The following FLNC variants were observed in gnomAD, a reference collection of about 807,000 sequenced individuals.
FLNC encodes filamin C.
A neutral mutation model predicts 254.3 loss-of-function variants in FLNC; 91 were observed. The observed-to-expected ratio is 0.36, with a 90% CI of 0.30 to 0.43. The LOEUF (loss-of-function observed/expected upper bound fraction) is 0.43. FLNC is among the 20% of genes least tolerant of loss of function. The pLI, the probability that FLNC is intolerant of heterozygous loss-of-function variation, is 1.00. For missense variants in FLNC, 2,853 were observed against 3,802.6 expected (o/e 0.75, Z 6.57); for synonymous variants, 1,430 against 1,577.2 (o/e 0.91, Z 2.21).
intron 35 of FLNC, 78 bp downstream of exon 35, chr7:128,851,706 C>T (rs1291043663): frequency 1.0e-5 from 15 of 1,486,112 alleles, no homozygotes; most frequent in Middle Eastern, 3.5e-4. Flanking sequence ...AAGCCCAGCC[C>T]GTTCAAGTCA....
At position 128,836,510 on chromosome 7, in the gene FLNC, C is replaced by T. The variant is rs1808098953; in HGVS notation, c.602-650C>T. ...TCCTCCAGCTCTGGCCTAAACCAAG[C>T]GCCCCTTCACCTGCACCGTTCATAG... On this transcript the variant is annotated intron_variant, in intron 2 of 47. Transcript: ENST00000325888. The surrounding 1 kb of genome is among the most constrained non-coding windows in gnomAD (Gnocchi z 6.0). 6.6e-6 allele frequency among the ~76,000 whole-genome samples: 1 copy of T among 152,190 alleles called. No individual in the cohort carries two copies. Among genetic ancestry groups the T allele is most frequent in the Non-Finnish European group, 1.5e-5 (1 of 68,026 alleles).
Position 128,842,799 on chromosome 7 carries a change from G to C in FLNC, c.2395G>C (p.Val799Leu). Residue 799 changes from valine (V) to leucine (L), a missense_variant, in exon 16 of 48, where the codon GTG (valine) becomes CTG (leucine). This residue lies in a region of FLNC where 1,573 missense variants were observed against 1,883.5 expected (regional missense o/e 0.84). Transcript: ENST00000325888. The surrounding 1 kb of genome is among the most constrained non-coding windows in gnomAD (Gnocchi z 5.4). ...CAGTGCCCGCTTCTCTGCAGGCGAC[G>C]TGAGCATCGGCATCAAGTGCGCCCC... Reference protein sequence around the residue: ...VDCSEAGQGDVSIGIKCAPGV... With the variant: ...VDCSEAGQGDLSIGIKCAPGV... The C allele has an allele frequency of 6.2e-7, 1 of 1,613,586 alleles. No homozygotes were observed. The highest frequency in any genetic ancestry group is 8.5e-7 in the Non-Finnish European group (1 of 1,179,980).
rs2128938499 is a variant in FLNC at position 128,851,622 on chromosome 7, A to G, written c.5836A>G (p.Ile1946Val). Residue 1946 changes from isoleucine (I) to valine (V), a missense_variant, in exon 35 of 48, where the codon ATC becomes GTC. Around this residue, in one of 10 missense-constraint regions of FLNC, gnomAD observed 551 missense variants for 835.0 expected, o/e 0.66. Coordinates refer to ENST00000325888, the MANE Select transcript of FLNC (RefSeq NM_001458.5). ...HIPGSPFTAK[I>V]TGDDSMRTSQ... The stretch of plus-strand genomic sequence containing the variant: ...CCCGGGGAGCCCCTTCACAGCCAAG[A>G]TCACAGGTGAGGCGGGTGTATGGGC... The G allele has an allele frequency of 6.2e-7, 1 of 1,613,844 alleles. No individual in the cohort carries two copies. Among genetic ancestry groups the G allele is most frequent in the Non-Finnish European group, 8.5e-7 (1 of 1,180,036 alleles).
Position 128,857,311 on chromosome 7 carries a change from C to T in FLNC, c.7755C>T (p.Gly2585=), listed in dbSNP as rs746404471. The T allele has an allele frequency of 4.5e-5, 72 of 1,613,244 alleles. No homozygotes were observed. In the Middle Eastern group the frequency reaches 5.2e-4, roughly 12 times the overall value. ...IKYGGPQHIV[G]SPFKAKVTGP... ...ACGGTGGCCCCCAGCACATCGTGGG[C>T]AGCCCCTTCAAGGCCAAGGTCACTG... Residue 2585 remains glycine, a synonymous_variant, in exon 46 of 48, where the codon GGC becomes GGT. Coordinates refer to ENST00000325888, the MANE Select transcript of FLNC (RefSeq NM_001458.5). The surrounding 1 kb of genome is among the most constrained non-coding windows in gnomAD (Gnocchi z 4.5).
Position 128,841,580 on chromosome 7 carries a change from C to G in FLNC, c.2121+13C>G. On this transcript the variant is annotated intron_variant, in intron 13 of 47. Transcript: ENST00000325888. The surrounding 1 kb of genome is among the most constrained non-coding windows in gnomAD (Gnocchi z 4.3). ...GCTCTATGCCCAGGTAGGTCATTGT[C>G]CAGTCTCTGCTGCCCTTACTACCCA... 4.4e-6 allele frequency: 7 copies of G among 1,591,534 alleles called. No individual in the cohort carries two copies. Among genetic ancestry groups the G allele is most frequent in the Non-Finnish European group, 6.0e-6 (7 of 1,159,376 alleles).
In FLNC at chr7:128,854,777, G is replaced by A. The variant is rs1808984299; in HGVS notation, c.7000G>A (p.Glu2334Lys). Residue 2334 changes from glutamate to lysine, a missense_variant and splice_region_variant, in exon 42 of 48, where the codon GAG (glutamate) becomes AAG (lysine). By Grantham distance (56) the Glu-to-Lys change is moderately conservative. Around this residue, in one of 10 missense-constraint regions of FLNC, gnomAD observed 551 missense variants for 835.0 expected, o/e 0.66. Transcript: ENST00000325888. ...LERGVAGVPA[E>K]FSIWTREAGA... The stretch of plus-strand genomic sequence containing the variant: ...TCCACTACCTTGCCTGTCCCCAGCC[G>A]AGTTCAGCATCTGGACCCGGGAGGC... 1 of 1,614,118 alleles carries A rather than the reference G, an allele frequency of 6.2e-7. No homozygotes were observed. Among genetic ancestry groups the A allele is most frequent in the Non-Finnish European group, 8.5e-7 (1 of 1,180,028 alleles).
intron 1 of FLNC, among the ~76,000 whole-genome samples, chr7:128,834,630 A>T (rs1808026060): frequency 6.6e-6 from 1 of 152,176 alleles, no homozygotes; most frequent in South Asian, 2.1e-4. Flanking sequence ...TATGTTTAAG[A>T]CCTTCATTGT....
chr7:128,858,435 C>G lies in FLNC; in HGVS notation c.8090C>G (p.Thr2697Ser). ...MGNRVYNVTY[T>S]VKEKGDYILI... ...AACCGGGTGTACAATGTCACCTACA[C>G]TGTCAAGGAGAAAGGGGACTACATC... The change falls in exon 48 of 48, where the codon ACT becomes AGT. Residue 2697 changes from threonine to serine, a missense_variant. Around this residue, in one of 10 missense-constraint regions of FLNC, gnomAD observed 197 missense variants for 351.5 expected, o/e 0.56. Transcript: ENST00000325888. The surrounding 1 kb of genome is among the most constrained non-coding windows in gnomAD (Gnocchi z 6.7). The G allele has an allele frequency of 6.2e-7, 1 of 1,612,360 alleles. No homozygotes were observed. The highest frequency in any genetic ancestry group is 8.5e-7 in the Non-Finnish European group (1 of 1,178,650).
chr7:128,856,107 G>A lies in FLNC; in HGVS notation c.7252-411G>A, dbSNP rs1239197053. 6.6e-6 allele frequency among the ~76,000 whole-genome samples: 1 copy of A among 152,128 alleles called. No homozygotes were observed. The highest frequency in any genetic ancestry group is 1.5e-5 in the Non-Finnish European group (1 of 68,032). On this transcript the variant is annotated intron_variant, in intron 43 of 47. Transcript: ENST00000325888. This position sits in a 1 kb window ranked among gnomAD's most constrained non-coding sequence, Gnocchi z 5.9. The stretch of plus-strand genomic sequence containing the variant: ...TTCTGTGCTTCTTCTGGTCCTCCCT[G>A]TTGGTCCACCTTCTCCAGGAAGCTC...
In FLNC at chr7:128,853,587, C is replaced by T. The variant is rs374308274; in HGVS notation, c.6327C>T (p.Ile2109=). 1 of 1,614,164 alleles carries T rather than the reference C, an allele frequency of 6.2e-7. No individual in the cohort carries two copies. The highest frequency in any genetic ancestry group is 8.5e-7 in the Non-Finnish European group (1 of 1,180,042). Residue 2109 remains isoleucine, a synonymous_variant, in exon 38 of 48, where the codon ATC becomes ATT. Transcript: ENST00000325888. ...GCCCCACCGAGCCCGGCACCTACATCATCAACATCAAGTTTGCTGACAAGC... is the reference window on the plus strand; with the variant it reads ...GCCCCACCGAGCCCGGCACCTACATTATCAACATCAAGTTTGCTGACAAGC... ...TYCPTEPGTY[I]INIKFADKHV...
rs770784518 is a variant in FLNC at position 128,849,536 on chromosome 7, C to T, written c.5157C>T (p.Arg1719=). 3.1e-6 allele frequency: 5 copies of T among 1,614,052 alleles called. No homozygotes were observed. Among genetic ancestry groups the T allele is most frequent in the Non-Finnish European group, 4.2e-6 (5 of 1,180,032 alleles). ...CGGGCAAGTACGTCATCACCATCCG[C>T]TTCGGGGGTGAGCACATCCCCAACA... ...PEPGKYVITI[R]FGGEHIPNSP... is the part of the protein sequence containing the mutation. Residue 1719 remains arginine (R), a synonymous_variant, in exon 30 of 48, where the codon CGC becomes CGT. Coordinates refer to ENST00000325888, the MANE Select transcript of FLNC (RefSeq NM_001458.5).
Position 128,850,501 on chromosome 7 carries a change from C to T in FLNC, c.5398+18C>T, listed in dbSNP as rs1808762634. The T allele has an allele frequency of 1.3e-6, 2 of 1,595,182 alleles. No individual in the cohort carries two copies. Among genetic ancestry groups the T allele is most frequent in the East Asian group, 4.5e-5 (2 of 44,820 alleles). On this transcript the variant is annotated intron_variant, in intron 32 of 47. Transcript: ENST00000325888. ...GCTCACAGGTACTGCCCTGTGGCTC[C>T]CAGGCATGAGGGCTGAGGGGAGAAA...
chr7:128,838,716 C>A lies in FLNC; in HGVS notation c.1324C>A (p.Pro442Thr), dbSNP rs1808207607. 1.2e-6 allele frequency: 2 copies of A among 1,613,064 alleles called. No homozygotes were observed. The highest frequency in any genetic ancestry group is 1.1e-5 in the South Asian group (1 of 91,078). The change falls in exon 8 of 48, where the codon CCT (proline) becomes ACT (threonine). Residue 442 changes from proline (P) to threonine (T), a missense_variant. Pro to Thr is a conservative substitution (Grantham distance 38). Coordinates refer to ENST00000325888, the MANE Select transcript of FLNC (RefSeq NM_001458.5). ...GDSTFRCTYR[P>T]AMEGPHTVHV... ...CAGCACGTTCCGCTGCACATACAGA[C>A]CTGCCATGGAGGGGCCACATACCGT...
In FLNC at chr7:128,856,576, G is replaced by A. The variant is rs201762568; in HGVS notation, c.7310G>A (p.Arg2437Gln). The A allele has an allele frequency of 1.8e-5, 29 of 1,612,828 alleles. No individual in the cohort carries two copies. Among genetic ancestry groups the A allele is most frequent in the Middle Eastern group, 1.6e-4 (1 of 6,062 alleles). The change falls in exon 44 of 48, where the codon CGG becomes CAG. Residue 2437 changes from arginine to glutamine, a missense_variant. By Grantham distance (43) the Arg-to-Gln change is conservative (BLOSUM62 1). Coordinates refer to ENST00000325888, the MANE Select transcript of FLNC (RefSeq NM_001458.5). This position sits in a 1 kb window ranked among gnomAD's most constrained non-coding sequence, Gnocchi z 5.9. ...ASFAVQLNGARGVIDARVHTP... is the reference protein window; with the variant it reads ...ASFAVQLNGAQGVIDARVHTP... The stretch of plus-strand genomic sequence containing the variant: ...TTTGCCGTGCAGCTGAACGGTGCCC[G>A]GGGCGTGATTGATGCCCGGGTGCAC...
At chr7:128,839,911 G>C in intron 8 of FLNC, 112 bp from the exon 9 acceptor site, 1 of 1,380,502 alleles carries the variant, frequency 7.2e-7, no homozygotes. Context: ...GAGCAGGGCC[G>C]TGGGCCACTG....
Position 128,836,035 on chromosome 7 carries a change from A to G in FLNC, c.601+461A>G, listed in dbSNP as rs1808083082. Among the ~76,000 whole-genome samples, 1 of 151,950 alleles carries G rather than the reference A, an allele frequency of 6.6e-6. No homozygotes were observed. On this transcript the variant is annotated intron_variant, in intron 2 of 47. Coordinates refer to ENST00000325888, the MANE Select transcript of FLNC (RefSeq NM_001458.5). The surrounding 1 kb of genome is among the most constrained non-coding windows in gnomAD (Gnocchi z 6.0). Reference sequence around the variant, plus strand: ...TCCAGAGAAGGCTCTTCTCTGGGAGACCCTGGGATGACTTTGAGAAGGGGT... The same window carrying G: ...TCCAGAGAAGGCTCTTCTCTGGGAGGCCCTGGGATGACTTTGAGAAGGGGT...
rs2128939355 is a variant in FLNC at position 128,854,185 on chromosome 7, A to C, written c.6696A>C (p.Gly2232=). 5 of 1,608,460 alleles carry C rather than the reference A, an allele frequency of 3.1e-6. No individual in the cohort carries two copies. Among genetic ancestry groups the C allele is most frequent in the Non-Finnish European group, 4.2e-6 (5 of 1,177,750 alleles). The part of the protein sequence containing the change: ...FGDFLGRERL[G]SFGSITRQQE... Reference sequence around the variant, plus strand: ...ACTTCCTGGGCCGGGAGCGCCTGGGATCCTTCGGCAGCATCACCCGGCAGC... The same window carrying C: ...ACTTCCTGGGCCGGGAGCGCCTGGGCTCCTTCGGCAGCATCACCCGGCAGC... Residue 2232 remains glycine, a synonymous_variant, in exon 40 of 48, where the codon GGA becomes GGC. Coordinates refer to ENST00000325888, the MANE Select transcript of FLNC (RefSeq NM_001458.5).
At position 128,846,148 on chromosome 7, in the gene FLNC, A is replaced by C. The variant is rs377555574; in HGVS notation, c.3949A>C (p.Thr1317Pro). The C allele has an allele frequency of 2.5e-6, 4 of 1,613,740 alleles. No homozygotes were observed. The change falls in exon 22 of 48, where the codon ACC (threonine) becomes CCC (proline). Residue 1317 changes from threonine to proline, a missense_variant. By Grantham distance (38) the Thr-to-Pro change is conservative. Around this residue, in one of 10 missense-constraint regions of FLNC, gnomAD observed 1,573 missense variants for 1,883.5 expected, o/e 0.84. Coordinates refer to ENST00000325888, the MANE Select transcript of FLNC (RefSeq NM_001458.5). The part of the protein sequence containing the change: ...NGDGTYRVQY[T>P]AYEEGVHLVE... ...GGACGGCACCTACCGAGTGCAGTAC[A>C]CCGCCTACGAGGAGGGTGAGGGCCG...
rs1197140316 is a variant in FLNC at position 128,858,131 on chromosome 7, C to T, written c.7904C>T (p.Ala2635Val). 6.2e-7 allele frequency: 1 copy of T among 1,612,794 alleles called. No individual in the cohort carries two copies. Among genetic ancestry groups the T allele is most frequent in the Non-Finnish European group, 8.5e-7 (1 of 1,179,136 alleles). Reference sequence around the variant, plus strand: ...TCCATCCCCAAGTTCTCCTCAGATGCCAGCAAGGTGGTGACTCGGGGCCCT... The same window carrying T: ...TCCATCCCCAAGTTCTCCTCAGATGTCAGCAAGGTGGTGACTCGGGGCCCT... ...YSSIPKFSSD[A>V]SKVVTRGPGL... is the part of the protein sequence containing the mutation. The change falls in exon 47 of 48, where the codon GCC (alanine) becomes GTC (valine). Residue 2635 changes from alanine (A) to valine (V), a missense_variant. Around this residue, in one of 10 missense-constraint regions of FLNC, gnomAD observed 197 missense variants for 351.5 expected, o/e 0.56. Coordinates refer to ENST00000325888, the MANE Select transcript of FLNC (RefSeq NM_001458.5). The surrounding 1 kb of genome is among the most constrained non-coding windows in gnomAD (Gnocchi z 6.7).
Sources: gnomAD v4.1 joint callset for allele counts (sites outside exome capture counted in the v4.1 genomes callset) on GRCh38, gnomAD v4.1.1 for gene constraint, gnomAD v4.1.1 regional missense constraint, Gnocchi (gnomAD v3.1) non-coding constraint, MANE v1.5 for transcripts, NCBI Gene and HGNC (gene_info 2026-07-23, HGNC 2026-07-21) for gene names.